Variants in ESRRG observed in about 807,000 individuals in gnomAD.
ESRRG encodes estrogen related receptor gamma, also known as estrogen-related receptor gamma.
ESRRG carries 13 observed loss-of-function variants against 44.0 expected under a neutral mutation model. The observed-to-expected ratio is 0.30, with a 90% CI of 0.19 to 0.47. ESRRG has a LOEUF of 0.47. Ranked by LOEUF, ESRRG falls within the 20% of genes least tolerant of loss-of-function variation. The pLI is 1.00. For synonymous variants in ESRRG, 215 were observed against 214.6 expected (o/e 1.00, Z -0.02); for missense variants, 395 against 580.6 (o/e 0.68, Z 3.29).
intron 2 of ESRRG, among the ~76,000 whole-genome samples, chr1:216,762,100 T>C (rs2092810568): frequency 6.6e-6 from 1 of 152,024 alleles, no homozygotes; most frequent in South Asian, 2.1e-4. Flanking sequence ...ATAGGCAAAA[T>C]GAAGCTTGGA....
chr1:216,516,666 C>CAGAGAGAGAG (rs777077033), intron 6 of ESRRG, among the ~76,000 whole-genome samples: 1 of 128,380 alleles, frequency 7.8e-6, no homozygotes, highest in African/African-American at 3.8e-5. Flanking sequence ...CACACACACA[C>CAGAGAGAGAG]ACAGAGAGAG....
At chr1:216,662,065 C>A (rs1275830437) in intron 2 of ESRRG, among the ~76,000 whole-genome samples, 4 of 152,070 alleles carry the variant, frequency 2.6e-5, no homozygotes, top group African/African-American at 9.7e-5. Context: ...TAAGTAAGAT[C>A]ATGTATTTAA....
At chr1:217,101,865 G>A (rs1160744474) in intron 1 of ESRRG, among the ~76,000 whole-genome samples, 1 of 152,080 alleles carries the variant, frequency 6.6e-6, no homozygotes, top group African/African-American at 2.4e-5. Context: ...GAAGGGCAAT[G>A]ATGCGATCTT....
At chr1:216,698,596 T>C (rs1335767283) in intron 1 of ESRRG, among the ~76,000 whole-genome samples, 2 of 150,714 alleles carry the variant, frequency 1.3e-5, no homozygotes, top group Non-Finnish European at 3.0e-5. Flanking sequence ...TGCTCATAAC[T>C]AAGCCTCTTT....
At chr1:216,521,586 C>T (rs530915675) in intron 5 of ESRRG, among the ~76,000 whole-genome samples, 2 of 152,190 alleles carry the variant, frequency 1.3e-5, no homozygotes, top group South Asian at 4.1e-4. Context: ...AGCGTGTAGC[C>T]CGCAGCACCT....
intron 3 of ESRRG, among the ~76,000 whole-genome samples, chr1:216,610,660 C>T (rs1420714527): frequency 6.6e-6 from 1 of 151,738 alleles, no homozygotes. Flanking sequence ...TAGCTAAGTG[C>T]TACCAAGAAA....
intron 2 of ESRRG, among the ~76,000 whole-genome samples, chr1:216,816,148 C>T (rs1453179033): frequency 6.6e-6 from 1 of 152,098 alleles, no homozygotes; most frequent in African/African-American, 2.4e-5. Context: ...AGAGTTAACT[C>T]GCCGAAATGG....
At chr1:217,101,376 C>T (rs1180737795) in intron 1 of ESRRG, among the ~76,000 whole-genome samples, 1 of 152,210 alleles carries the variant, frequency 6.6e-6, no homozygotes, top group Non-Finnish European at 1.5e-5. Context: ...GCACAGTGAT[C>T]ATAGCTTTCA....
At chr1:216,647,999 C>T (rs868291783) in intron 3 of ESRRG, among the ~76,000 whole-genome samples, 2 of 152,138 alleles carry the variant, frequency 1.3e-5, no homozygotes, top group Admixed American at 6.6e-5. Context: ...GTGGTCAACA[C>T]GGGGGTTGTA....
chr1:217,076,232 T>C (rs1035947518), intron 1 of ESRRG, among the ~76,000 whole-genome samples: 1 of 152,182 alleles, frequency 6.6e-6, no homozygotes, highest in African/African-American at 2.4e-5. Context: ...TCTTCATTCC[T>C]GCATGCATGC....
At chr1:216,920,913 T>C (rs2061758759) in intron 2 of ESRRG, among the ~76,000 whole-genome samples, 1 of 152,174 alleles carries the variant, frequency 6.6e-6, no homozygotes, top group Non-Finnish European at 1.5e-5. Context: ...CATTATGCTG[T>C]GAGCAAGGCA....
chr1:217,028,902 G>T (rs1051482306), intron 1 of ESRRG, among the ~76,000 whole-genome samples: 36 of 152,062 alleles, frequency 2.4e-4, no homozygotes, highest in African/African-American at 8.7e-4. Context: ...TGCACCTTAT[G>T]CCCCTGCTTT....
At chr1:216,790,171 G>C (rs2094272356) in intron 2 of ESRRG, among the ~76,000 whole-genome samples, 1 of 152,084 alleles carries the variant, frequency 6.6e-6, no homozygotes, top group Non-Finnish European at 1.5e-5. Context: ...CTGACAACCT[G>C]CCATAGTCAC....
intron 2 of ESRRG, among the ~76,000 whole-genome samples, chr1:216,667,320 C>T (rs2074146699): frequency 6.6e-6 from 1 of 152,096 alleles, no homozygotes; most frequent in South Asian, 2.1e-4. Context: ...TAGGCCATAT[C>T]ACACAGTAGA....
chr1:216,824,406 A>T (rs2095355789), intron 2 of ESRRG, among the ~76,000 whole-genome samples: 1 of 152,148 alleles, frequency 6.6e-6, no homozygotes, highest in Non-Finnish European at 1.5e-5. Context: ...AGATCGTGTC[A>T]CTTCACTCCA....
chr1:216,611,165 T>C (rs535137239), intron 3 of ESRRG, among the ~76,000 whole-genome samples: 2 of 128,410 alleles, frequency 1.6e-5, no homozygotes, highest in East Asian at 4.5e-4. Flanking sequence ...ATCATGCCAA[T>C]GCACTCTAGC....
rs11572769 is a variant in ESRRG, at chr1:216,567,156, C to T, written c.700+832G>A. Among the ~76,000 whole-genome samples the T allele has an allele frequency of 1.5e-3, 232 of 152,226 alleles. 6 individuals carry two copies. The East Asian group carries it at 0.042, about 28-fold the overall frequency. On this transcript the variant is annotated intron_variant, in intron 4 of 6. Transcript: ENST00000408911. The stretch of plus-strand genomic sequence containing the variant: ...GAAAAAGACAGCTAAATTGGAAAAC[C>T]GTTTTCACCAAAGCGCTCCTCCATG...
chr1:216,921,161 C>G (rs1462870286), intron 2 of ESRRG, among the ~76,000 whole-genome samples: 1 of 151,804 alleles, frequency 6.6e-6, no homozygotes, highest in Non-Finnish European at 1.5e-5. Context: ...GATTTTTTTC[C>G]CATTTGATGG....
At chr1:216,992,509 T>C (rs953383246) in intron 1 of ESRRG, among the ~76,000 whole-genome samples, 6 of 152,202 alleles carry the variant, frequency 3.9e-5, no homozygotes, top group African/African-American at 1.4e-4. Flanking sequence ...GCATAGTGCC[T>C]GACATAAAGT....
Sources: allele counts gnomAD v4.1 joint callset (sites outside exome capture counted in the v4.1 genomes callset), GRCh38; gene constraint gnomAD v4.1.1; transcripts MANE v1.5; gene names NCBI Gene and HGNC (gene_info 2026-07-23, HGNC 2026-07-21).